The following FAT3 variants were observed in gnomAD, a reference collection of about 807,000 sequenced individuals.
The protein encoded by FAT3 is FAT atypical cadherin 3.
Under a neutral mutation model 310.2 loss-of-function variants are expected in FAT3, and 95 were observed. The ratio of observed to expected loss-of-function variants is 0.31; its 90% CI spans 0.26 to 0.36. The LOEUF (loss-of-function observed/expected upper bound fraction) is 0.36, where lower values mean the gene tolerates loss of function less well. FAT3 is among the 10% of genes least tolerant of loss of function. FAT3 has a pLI of 1.00. For missense variants in FAT3, 5,408 were observed against 5,715.6 expected, an observed-to-expected ratio of 0.95 and a Z score of 1.74; for synonymous variants, 2,314 against 2,192.9, an observed-to-expected ratio of 1.06 and a Z score of -1.54.
At chr11:92,712,684 AC>A (rs1944560302) in intron 4 of FAT3, among the ~76,000 whole-genome samples, 1 of 152,222 alleles carries the variant, frequency 6.6e-6, no homozygotes, top group African/African-American at 2.4e-5. Flanking sequence ...ATTAGTTCTT[AC>A]CTGAGAGGAG....
In FAT3 at chr11:92,844,190, T is replaced by C; in HGVS notation, c.10823T>C (p.Leu3608Pro). 2 of 1,614,060 alleles carry C rather than the reference T, an allele frequency of 1.2e-6. No homozygotes were observed. Among genetic ancestry groups the C allele is most frequent in the Non-Finnish European group, 1.7e-6 (2 of 1,179,898 alleles). ...AGTCACGATGGGAAAATCATCGCCC[T>C]GGGAGGCCTGGACAGCGGCAAGTAT... The part of the protein sequence containing the change: ...VNSHDGKIIA[L>P]GGLDSGKYVL... Residue 3608 changes from leucine (L) to proline (P), a missense_variant, in exon 19 of 28, where the codon CTG (leucine) becomes CCG (proline). Around this residue, in one of 5 missense-constraint regions of FAT3, gnomAD observed 4,588 missense variants for 4,809.8 expected, o/e 0.95. Transcript: ENST00000525166.
intron 1 of FAT3, among the ~76,000 whole-genome samples, chr11:92,309,281 G>A (rs1018426281): frequency 1.3e-5 from 2 of 150,332 alleles, no homozygotes; most frequent in Admixed American, 6.7e-5. Context: ...ACATCCTAGA[G>A]CTCTCCCCCC....
chr11:92,286,011 A>G (rs1946553599), intron 1 of FAT3, among the ~76,000 whole-genome samples: 1 of 152,146 alleles, frequency 6.6e-6, no homozygotes, highest in Non-Finnish European at 1.5e-5. Context: ...CTTTTCCCCG[A>G]GATGAGAGTG....
At chr11:92,557,829 A>C (rs1441967058) in intron 3 of FAT3, among the ~76,000 whole-genome samples, 1 of 152,222 alleles carries the variant, frequency 6.6e-6, no homozygotes, top group Non-Finnish European at 1.5e-5. Context: ...GAACCTAGAA[A>C]TGTTCTGAAT....
chr11:92,859,484 C>T (rs1949068505), intron 21 of FAT3, among the ~76,000 whole-genome samples, 162 bp downstream of exon 21: 1 of 152,202 alleles, frequency 6.6e-6, no homozygotes, highest in African/African-American at 2.4e-5. Context: ...AGGGAGCCAA[C>T]ATCCCATTTC....
chr11:92,835,970 T>C (rs773803918), intron 15 of FAT3, among the ~76,000 whole-genome samples: 4 of 152,146 alleles, frequency 2.6e-5, no homozygotes, highest in Admixed American at 1.3e-4. Context: ...AGTCATCTCA[T>C]TGCAGGATGA....
At chr11:92,695,005 A>G (rs1268665860) in intron 3 of FAT3, among the ~76,000 whole-genome samples, 2 of 152,152 alleles carry the variant, frequency 1.3e-5, no homozygotes, top group Admixed American at 6.5e-5. Flanking sequence ...CCCTCTGTCA[A>G]TGTGACTCAG....
At chr11:92,289,083 A>G (rs1328294218) in intron 1 of FAT3, among the ~76,000 whole-genome samples, 1 of 152,044 alleles carries the variant, frequency 6.6e-6, no homozygotes, top group Non-Finnish European at 1.5e-5. Context: ...TAATGCACAG[A>G]CTTGCAGGGC....
At chr11:92,432,456 C>G (rs1461517331) in intron 2 of FAT3, among the ~76,000 whole-genome samples, 2 of 152,098 alleles carry the variant, frequency 1.3e-5, no homozygotes, top group Non-Finnish European at 2.9e-5. Context: ...GAGTGGTCCT[C>G]CTTTTTGTTG....
chr11:92,426,773 CTGTAGCCT>C (rs931551688), intron 2 of FAT3, among the ~76,000 whole-genome samples: 1 of 152,212 alleles, frequency 6.6e-6, no homozygotes, highest in African/African-American at 2.4e-5. Flanking sequence ...GTTTTGGTTA[CTGTAGCCT>C]TGTACTATAG....
intron 1 of FAT3, among the ~76,000 whole-genome samples, chr11:92,247,428 T>TG (rs1864962099): frequency 6.6e-6 from 1 of 151,822 alleles, no homozygotes; most frequent in Admixed American, 6.6e-5. Context: ...ACTGCTGAAG[T>TG]AATTCACCGC....
intron 3 of FAT3, among the ~76,000 whole-genome samples, chr11:92,610,030 C>T (rs1376744487): frequency 6.6e-6 from 1 of 152,038 alleles, no homozygotes; most frequent in Non-Finnish European, 1.5e-5. Context: ...TAAGCAGATT[C>T]CTTTTGAGTT....
chr11:92,576,749 C>A (rs371308674), intron 3 of FAT3, among the ~76,000 whole-genome samples: 1 of 152,048 alleles, frequency 6.6e-6, no homozygotes, highest in Non-Finnish European at 1.5e-5. Flanking sequence ...AAAGAGATTT[C>A]TTTACAAAAG....
chr11:92,661,014 A>G (rs1211497569), intron 3 of FAT3, among the ~76,000 whole-genome samples: 1 of 152,204 alleles, frequency 6.6e-6, no homozygotes, highest in African/African-American at 2.4e-5. Flanking sequence ...CTCTACATCT[A>G]CACATAAGTA....
intron 2 of FAT3, chr11:92,367,018 C>T (rs1949040625): frequency 1.9e-6 from 1 of 514,986 alleles, no homozygotes; most frequent in Non-Finnish European, 3.9e-6. Flanking sequence ...TACTGGCAGC[C>T]ACATCTGATC....
At chr11:92,548,292 C>T (rs571347128) in intron 3 of FAT3, among the ~76,000 whole-genome samples, 6 of 152,220 alleles carry the variant, frequency 3.9e-5, no homozygotes, top group South Asian at 2.1e-4. Flanking sequence ...TTTTATCACC[C>T]GTTATGCTCT....
chr11:92,675,624 G>T (rs1943262676), intron 3 of FAT3, among the ~76,000 whole-genome samples: 1 of 152,152 alleles, frequency 6.6e-6, no homozygotes, highest in Non-Finnish European at 1.5e-5. Flanking sequence ...AACCATTGCT[G>T]CTGCCAGGTT....
intron 1 of FAT3, among the ~76,000 whole-genome samples, chr11:92,255,491 A>G (rs775744088): frequency 7.2e-5 from 11 of 152,104 alleles, no homozygotes; most frequent in Non-Finnish European, 1.3e-4. Flanking sequence ...AAATATATGA[A>G]TGACTGATTG....
chr11:92,871,891 A>G (rs1949402742), intron 22 of FAT3, among the ~76,000 whole-genome samples: 1 of 152,200 alleles, frequency 6.6e-6, no homozygotes, highest in Admixed American at 6.5e-5. Context: ...AAGAAATGCA[A>G]GTCAGTGGAT....
Sources: gnomAD v4.1 joint callset for allele counts (sites outside exome capture counted in the v4.1 genomes callset) on GRCh38, gnomAD v4.1.1 for gene constraint, gnomAD v4.1.1 regional missense constraint, MANE v1.5 for transcripts, NCBI Gene and HGNC (gene_info 2026-07-23, HGNC 2026-07-21) for gene names.